The following BCO1 variants were observed in gnomAD, a reference collection of about 807,000 sequenced individuals.
BCO1 encodes the protein beta,beta-carotene 15,15'-dioxygenase.
BCO1 carries 54 observed loss-of-function variants against 56.3 expected under a neutral mutation model. The observed-to-expected ratio is 0.96, with a 90% CI of 0.77 to 1.20. The LOEUF (loss-of-function observed/expected upper bound fraction) is 1.20, where lower values mean the gene tolerates loss of function less well. BCO1 is among the 50% of genes most tolerant of loss of function. The probability of loss-of-function intolerance (pLI) is 0.00; values close to 1 mark genes in which losing one functional copy is unlikely to be tolerated. For missense variants in BCO1, 801 were observed against 690.9 expected, an observed-to-expected ratio of 1.16 and a Z score of -1.79; for synonymous variants, 318 against 266.1, an observed-to-expected ratio of 1.20 and a Z score of -1.90.
In BCO1 at chr16:81,268,104, C is replaced by T. The variant is rs753620929; in HGVS notation, c.816C>T (p.Ser272=). ...ACATCCGGAGAATGAGCTGGGCCTC[C>T]TGCCTGGCTTTCCACAGGGAGGAGA... ...TAYIRRMSWA[S]CLAFHREEKT... is the part of the protein sequence containing the mutation. The change falls in exon 6 of 11, where the codon TCC becomes TCT. Residue 272 remains serine, a synonymous_variant. Transcript: ENST00000258168. 13 of 1,610,696 alleles carry T rather than the reference C, an allele frequency of 8.1e-6. No individual in the cohort carries two copies. The highest frequency in any genetic ancestry group is 3.3e-5 in the South Asian group (3 of 91,078).
chr16:81,242,192 CTTT>C (rs796252592), intron 1 of BCO1, among the ~76,000 whole-genome samples: 12 of 78,752 alleles, frequency 1.5e-4, no homozygotes, highest in Admixed American at 6.6e-4. Flanking sequence ...ACTTGGCTGT[CTTT>C]TTTTTTTTTT....
intron 1 of BCO1, among the ~76,000 whole-genome samples, chr16:81,239,379 T>C (rs1905014417): frequency 6.6e-6 from 1 of 152,154 alleles, no homozygotes; most frequent in South Asian, 2.1e-4. Context: ...TAATTGTAAA[T>C]TACTTTTGGA....
In BCO1 at chr16:81,248,665, C is replaced by T. The variant is rs982484360; in HGVS notation, c.193+3062C>T. Among the ~76,000 whole-genome samples the T allele has an allele frequency of 2.6e-5, 4 of 152,158 alleles. No individual in the cohort carries two copies. In the South Asian group the frequency reaches 8.3e-4, roughly 32 times the overall value. ...TCCTTTCTTTTCTAAACAGAAGTTCCCAATGATTCTTGGAAATAAATACTG... is the reference window on the plus strand; with the variant it reads ...TCCTTTCTTTTCTAAACAGAAGTTCTCAATGATTCTTGGAAATAAATACTG... On this transcript the variant is annotated intron_variant, in intron 2 of 10. Transcript: ENST00000258168.
chr16:81,290,731 AT>A lies in BCO1; in HGVS notation c.*157del. ...CATGGCAAGAGAGCTTGTCAGTATC[AT>A]TTCTTTCATTTTATTTTGGCTGTAA... On this transcript the variant is annotated 3_prime_UTR_variant, in exon 11 of 11. Coordinates refer to ENST00000258168, the MANE Select transcript of BCO1 (RefSeq NM_017429.3). 1.6e-6 allele frequency: 1 copy of A among 618,602 alleles called. No individual in the cohort carries two copies. Among genetic ancestry groups the A allele is most frequent in the South Asian group, 2.2e-5 (1 of 46,302 alleles). 38.3% of individuals were successfully genotyped at this position (618,602 alleles called of 1,614,324 possible). A position where few individuals can be genotyped will look rare whatever the true frequency, so the allele number is the denominator to read the frequency against.
Position 81,290,733 on chromosome 16 carries a change from TTC to T in BCO1, c.*158_*159del. ...TGGCAAGAGAGCTTGTCAGTATCAT[TTC>T]TTTCATTTTATTTTGGCTGTAAAAA... On this transcript the variant is annotated 3_prime_UTR_variant, in exon 11 of 11. Transcript: ENST00000258168. 5 of 618,840 alleles carry T rather than the reference TTC, an allele frequency of 8.1e-6. No individual in the cohort carries two copies. The highest frequency in any genetic ancestry group is 1.1e-5 in the Non-Finnish European group (4 of 358,422). 38.3% of individuals were successfully genotyped at this position (618,840 alleles called of 1,614,324 possible). A position where few individuals can be genotyped will look rare whatever the true frequency, so the allele number is the denominator to read the frequency against.
chr16:81,284,839 C>CT (rs763583150), intron 8 of BCO1, among the ~76,000 whole-genome samples: 3,511 of 136,336 alleles, frequency 0.026, 119 homozygotes, highest in African/African-American at 0.082. Context: ...CTTTTCTTTT[C>CT]TTTTTTTTTT....
At chr16:81,274,538 A>G (rs1388752851) in intron 7 of BCO1, among the ~76,000 whole-genome samples, 2 of 150,622 alleles carry the variant, frequency 1.3e-5, no homozygotes, top group African/African-American at 4.9e-5. Context: ...TGCTGGGATT[A>G]CAGGCGTGAG....
intron 1 of BCO1, among the ~76,000 whole-genome samples, chr16:81,242,885 T>G (rs1444225870): frequency 6.6e-6 from 1 of 152,100 alleles, no homozygotes; most frequent in African/African-American, 2.4e-5. Context: ...GCGTGAACCC[T>G]GTCGTGAACT....
chr16:81,252,790 A>G (rs1905890559), intron 2 of BCO1, among the ~76,000 whole-genome samples: 1 of 152,214 alleles, frequency 6.6e-6, no homozygotes, highest in South Asian at 2.1e-4. Context: ...TTCTTGGACA[A>G]TGCAGTTTCA....
chr16:81,265,608 C>A (rs1906768926), intron 5 of BCO1, among the ~76,000 whole-genome samples: 1 of 149,540 alleles, frequency 6.7e-6, no homozygotes, highest in South Asian at 2.2e-4. Context: ...ATTCATCCAT[C>A]CATCCACCCA....
intron 7 of BCO1, among the ~76,000 whole-genome samples, chr16:81,278,337 C>A (rs1292895834): frequency 6.6e-6 from 1 of 152,094 alleles, no homozygotes; most frequent in East Asian, 1.9e-4. Context: ...CCCCCGCACT[C>A]AGCTAAATGT....
chr16:81,251,430 T>C (rs1165469580), intron 2 of BCO1, among the ~76,000 whole-genome samples: 2 of 151,892 alleles, frequency 1.3e-5, no homozygotes, highest in African/African-American at 4.8e-5. Context: ...CGTGGTGGTA[T>C]GCACCTATAG....
rs145845873 is a variant in BCO1, at chr16:81,249,575, T to C, written c.193+3972T>C. ...CCGGCCCCGGCTAGGTTTTTTTGTA[T>C]TTTTAGTAGAGATGGGGGTTTCATC... On this transcript the variant is annotated intron_variant, in intron 2 of 10. Transcript: ENST00000258168. 3.2e-3 allele frequency among the ~76,000 whole-genome samples: 490 copies of C among 152,146 alleles called. 1 individual carries two copies. Among genetic ancestry groups the C allele is most frequent in the African/African-American group, 0.011 (454 of 41,524 alleles).
At chr16:81,275,538 C>T (rs1907505056) in intron 7 of BCO1, among the ~76,000 whole-genome samples, 1 of 152,238 alleles carries the variant, frequency 6.6e-6, no homozygotes, top group Non-Finnish European at 1.5e-5. Context: ...TTTCCCTCTT[C>T]CTGTTCAAGC....
intron 3 of BCO1, among the ~76,000 whole-genome samples, chr16:81,260,194 G>C (rs768253529): frequency 6.6e-6 from 1 of 151,984 alleles, no homozygotes; most frequent in Non-Finnish European, 1.5e-5. Flanking sequence ...ATTAAAAGAG[G>C]ACTGGTTAAA....
At chr16:81,242,447 C>T (rs952986354) in intron 1 of BCO1, among the ~76,000 whole-genome samples, 6 of 152,044 alleles carry the variant, frequency 3.9e-5, no homozygotes, top group Non-Finnish European at 7.4e-5. Flanking sequence ...GTGATCCATC[C>T]GCCTTGGCCT....
At chr16:81,258,935 G>A (rs1314823757) in intron 2 of BCO1, among the ~76,000 whole-genome samples, 3 of 152,054 alleles carry the variant, frequency 2.0e-5, no homozygotes, top group Non-Finnish European at 4.4e-5. Context: ...GTCACATGGT[G>A]AAAGAGAGAG....
At chr16:81,288,338 C>T (rs571384951) in intron 10 of BCO1, among the ~76,000 whole-genome samples, 1 of 152,340 alleles carries the variant, frequency 6.6e-6, no homozygotes, top group Non-Finnish European at 1.5e-5. Context: ...TCATAGCTCA[C>T]TGCAGCCTCA....
At chr16:81,282,415 C>G (rs1362746266) in intron 8 of BCO1, among the ~76,000 whole-genome samples, 1 of 152,020 alleles carries the variant, frequency 6.6e-6, no homozygotes, top group Non-Finnish European at 1.5e-5. Context: ...AACAAAAAAC[C>G]CTGAGAGCCT....
Sources: gnomAD v4.1 joint callset for allele counts (sites outside exome capture counted in the v4.1 genomes callset) on GRCh38, gnomAD v4.1.1 for gene constraint, MANE v1.5 for transcripts, NCBI Gene and HGNC (gene_info 2026-07-23, HGNC 2026-07-21) for gene names.